Variants in ZBTB20 observed in about 807,000 individuals in gnomAD.
The protein encoded by ZBTB20 is zinc finger and BTB domain-containing protein 20.
In ZBTB20, 9 loss-of-function variants were observed where a neutral mutation model predicts 56.9. That is an observed-to-expected ratio of 0.16 (90% CI 0.10 to 0.28). ZBTB20 has a LOEUF of 0.28. Among genes scored for constraint, ZBTB20 ranks in the 10% least tolerant of loss-of-function variants. The pLI is 1.00. For missense variants in ZBTB20, 655 were observed against 1,003.0 expected (o/e 0.65, Z 4.69); for synonymous variants, 417 against 420.7 (o/e 0.99, Z 0.11).
At chr3:114,912,415 GTTAT>G (rs1576305937) in intron 3 of ZBTB20, among the ~76,000 whole-genome samples, 1 of 151,300 alleles carries the variant, frequency 6.6e-6, no homozygotes, top group Non-Finnish European at 1.5e-5. Flanking sequence ...TTTTAATAGG[GTTAT>G]TTGTCTCCTT....
chr3:114,875,903 T>A (rs1032518711), intron 4 of ZBTB20, among the ~76,000 whole-genome samples: 5 of 152,092 alleles, frequency 3.3e-5, no homozygotes, highest in African/African-American at 1.2e-4. Context: ...TCCCCCAAAT[T>A]TTATTTCACA....
intron 6 of ZBTB20, among the ~76,000 whole-genome samples, chr3:114,553,937 A>G (rs1309503413): frequency 1.3e-5 from 2 of 152,208 alleles, no homozygotes; most frequent in Non-Finnish European, 2.9e-5. Context: ...AAAGGTTTGC[A>G]TCTTTCCCCT....
chr3:114,596,587 C>T (rs1168392320), intron 6 of ZBTB20, among the ~76,000 whole-genome samples: 2 of 152,096 alleles, frequency 1.3e-5, no homozygotes, highest in African/African-American at 4.8e-5. Flanking sequence ...GTTATCGAGG[C>T]CCCCAAATAT....
intron 6 of ZBTB20, among the ~76,000 whole-genome samples, chr3:114,594,330 G>A (rs149501690): frequency 2.7e-4 from 40 of 148,020 alleles, no homozygotes; most frequent in African/African-American, 6.5e-4. Context: ...GCAGTGGTGC[G>A]ATCTCAGCTC....
intron 4 of ZBTB20, among the ~76,000 whole-genome samples, chr3:114,844,947 T>C (rs2074619004): frequency 1.3e-5 from 2 of 151,834 alleles, no homozygotes; most frequent in Admixed American, 6.6e-5. Flanking sequence ...TCGAAGTTCT[T>C]TGTATTTTCT....
intron 6 of ZBTB20, among the ~76,000 whole-genome samples, chr3:114,605,057 G>C (rs1040429231): frequency 6.6e-6 from 1 of 151,938 alleles, no homozygotes; most frequent in Non-Finnish European, 1.5e-5. Flanking sequence ...GATGTACTCA[G>C]TATGCATAAC....
At chr3:114,552,739 T>C (rs1429846722) in intron 6 of ZBTB20, among the ~76,000 whole-genome samples, 2 of 152,264 alleles carry the variant, frequency 1.3e-5, no homozygotes, top group South Asian at 4.1e-4. Flanking sequence ...TAAAAAAATA[T>C]ATAAAACTCT....
In ZBTB20 at chr3:114,860,509, G is replaced by A. The variant is rs149065317; in HGVS notation, c.-417+39795C>T. Among the ~76,000 whole-genome samples, 254 of 152,226 alleles carry A rather than the reference G, an allele frequency of 1.7e-3. 1 individual carries two copies. The highest frequency in any genetic ancestry group is 6.0e-3 in the African/African-American group (250 of 41,540). ...TGTCAGCATTACCAGAACAATCAGAGATTTCCATAGGCAGAATAACATTAG... is the reference window on the plus strand; with the variant it reads ...TGTCAGCATTACCAGAACAATCAGAAATTTCCATAGGCAGAATAACATTAG... On this transcript the variant is annotated intron_variant, in intron 4 of 11. Transcript: ENST00000675478.
chr3:114,551,453 T>C (rs13093045), intron 6 of ZBTB20, among the ~76,000 whole-genome samples: 21,085 of 152,176 alleles, frequency 0.14, 1,774 homozygotes, highest in Middle Eastern at 0.19. Flanking sequence ...GCGGGTGGTA[T>C]ATACAAGTCA....
rs2078990782 is a variant in ZBTB20, at chr3:114,324,253, G to A, written c.*14752C>T. On this transcript the variant is annotated 3_prime_UTR_variant, in exon 12 of 12. Coordinates refer to ENST00000675478, the MANE Select transcript of ZBTB20 (RefSeq NM_001348800.3). ...GGTCAGTAGTGGTTTTTACTTAATA[G>A]TTTTCATCATGTCAGATGGCTCTAA... 6.6e-6 allele frequency: 1 copy of A among 152,202 alleles called. No homozygotes were observed. Among genetic ancestry groups the A allele is most frequent in the African/African-American group, 2.4e-5 (1 of 41,454 alleles). The allele number at this position is 152,202 out of a possible 1,614,324, so 9.4% of individuals were successfully genotyped here. A position where few individuals can be genotyped will look rare whatever the true frequency, so the allele number is the denominator to read the frequency against.
intron 4 of ZBTB20, among the ~76,000 whole-genome samples, chr3:114,883,786 C>T (rs35849522): frequency 2.0e-5 from 3 of 151,966 alleles, no homozygotes; most frequent in African/African-American, 7.3e-5. Context: ...ACAGCAAAGT[C>T]TGCACTGTGG....
At chr3:114,688,982 C>T (rs2062528647) in intron 6 of ZBTB20, among the ~76,000 whole-genome samples, 2 of 152,166 alleles carry the variant, frequency 1.3e-5, no homozygotes, top group South Asian at 4.1e-4. Flanking sequence ...AGAGCATATT[C>T]TTCATATCAC....
intron 5 of ZBTB20, among the ~76,000 whole-genome samples, chr3:114,768,935 AG>A (rs1043369772): frequency 3.3e-5 from 5 of 152,212 alleles, no homozygotes; most frequent in Admixed American, 6.5e-5. Context: ...TAGCTTGCTT[AG>A]GCACATGTGT....
intron 3 of ZBTB20, among the ~76,000 whole-genome samples, chr3:114,936,107 G>A (rs972728155): frequency 3.9e-5 from 6 of 151,948 alleles, no homozygotes; most frequent in Non-Finnish European, 7.4e-5. Flanking sequence ...AATAAAGGTG[G>A]AAAAACAATA....
chr3:114,603,646 T>A (rs2056925753), intron 6 of ZBTB20, among the ~76,000 whole-genome samples: 1 of 151,994 alleles, frequency 6.6e-6, no homozygotes, highest in African/African-American at 2.4e-5. Context: ...GCAGCTCACA[T>A]AGATAAAAGG....
At chr3:115,130,994 C>G (rs2084489142) in intron 1 of ZBTB20, among the ~76,000 whole-genome samples, 1 of 152,198 alleles carries the variant, frequency 6.6e-6, no homozygotes, top group South Asian at 2.1e-4. Flanking sequence ...CTCCCGACCT[C>G]AGGTGATCCA....
rs1460414523 is a variant in ZBTB20, at chr3:114,321,632, G to A, written c.*17373C>T. On this transcript the variant is annotated 3_prime_UTR_variant, in exon 12 of 12. Transcript: ENST00000675478. ...GAAAGAACTGGTAAGAGTTGAGCTC[G>A]GTAGCCAACTAGTGTGAAGTTTTCT... The A allele has an allele frequency of 4.6e-5, 7 of 152,184 alleles. No homozygotes were observed. The highest frequency in any genetic ancestry group is 6.5e-5 in the Admixed American group (1 of 15,286). The allele number at this position is 152,184 out of a possible 1,614,324, so 9.4% of individuals were successfully genotyped here.
In ZBTB20 at chr3:115,035,452, G is replaced by A. The variant is rs562021932; in HGVS notation, c.-507+35767C>T. ...ATATACAGATGGCAAACAAGCACAT[G>A]AAAAGATGTTCAACATGACTAATCA... On this transcript the variant is annotated intron_variant, in intron 2 of 11. Coordinates refer to ENST00000675478, the MANE Select transcript of ZBTB20 (RefSeq NM_001348800.3). Among the ~76,000 whole-genome samples, 8 of 151,942 alleles carry A rather than the reference G, an allele frequency of 5.3e-5. No individual in the cohort carries two copies. The East Asian group carries it at 1.4e-3, about 26-fold the overall frequency.
intron 8 of ZBTB20, among the ~76,000 whole-genome samples, chr3:114,385,027 C>T (rs1429260204): frequency 6.6e-6 from 1 of 152,146 alleles, no homozygotes; most frequent in Non-Finnish European, 1.5e-5. Context: ...TTCTTTCACC[C>T]TATCCCAATT....
Sources: gnomAD v4.1 joint callset for allele counts (sites outside exome capture counted in the v4.1 genomes callset) on GRCh38, gnomAD v4.1.1 for gene constraint, MANE v1.5 for transcripts, NCBI Gene and HGNC (gene_info 2026-07-23, HGNC 2026-07-21) for gene names.